The following ADGRL2 variants were observed in gnomAD, a reference collection of about 807,000 sequenced individuals.
ADGRL2 encodes the protein calcium-independent alpha-latrotoxin receptor 2.
In ADGRL2, 44 loss-of-function variants were observed where a neutral mutation model predicts 157.4. The observed-to-expected ratio is 0.28, with a 90% confidence interval of 0.22 to 0.36. ADGRL2 has a LOEUF of 0.36. Among genes scored for constraint, ADGRL2 ranks in the 10% least tolerant of loss-of-function variants. ADGRL2 has a pLI of 1.00. For missense variants in ADGRL2, 1,510 were observed against 1,768.9 expected (o/e 0.85, Z 2.63); for synonymous variants, 585 against 624.7 (o/e 0.94, Z 0.95).
chr1:81,462,431 A>C (rs1042719668), intron 2 of ADGRL2, among the ~76,000 whole-genome samples: 2 of 147,608 alleles, frequency 1.4e-5, no homozygotes, highest in African/African-American at 4.9e-5. Context: ...CTGTGGCTTC[A>C]TTCTTGAAGT....
chr1:81,535,066 T>C (rs532311780), intron 2 of ADGRL2, among the ~76,000 whole-genome samples: 2 of 152,310 alleles, frequency 1.3e-5, no homozygotes, highest in Admixed American at 1.3e-4. Flanking sequence ...ATGAGTCTTA[T>C]GTGATTTAAA....
intron 3 of ADGRL2, among the ~76,000 whole-genome samples, chr1:81,600,410 C>T (rs1055364826): frequency 7.2e-5 from 11 of 152,180 alleles, no homozygotes; most frequent in Admixed American, 1.3e-4. Flanking sequence ...CTATGGCCAG[C>T]ATAGACAAGA....
intron 2 of ADGRL2, among the ~76,000 whole-genome samples, chr1:81,523,193 T>C (rs539732000): frequency 6.6e-6 from 1 of 152,162 alleles, no homozygotes; most frequent in Non-Finnish European, 1.5e-5. Context: ...ATGTCAATTA[T>C]CCTTAACTTT....
At chr1:81,924,228 T>C (rs1314982260) in intron 3 of ADGRL2, among the ~76,000 whole-genome samples, 1 of 151,242 alleles carries the variant, frequency 6.6e-6, no homozygotes, top group South Asian at 2.1e-4. Flanking sequence ...AGTTGGAAAA[T>C]AGCAGTTCCT....
intron 1 of ADGRL2, among the ~76,000 whole-genome samples, chr1:81,807,511 T>C (rs1457332770): frequency 6.6e-6 from 1 of 151,984 alleles, no homozygotes; most frequent in East Asian, 1.9e-4. Context: ...TAAGATGCTC[T>C]CAAAGATTGG....
chr1:81,492,058 G>A (rs1207080334), intron 2 of ADGRL2, among the ~76,000 whole-genome samples: 1 of 152,124 alleles, frequency 6.6e-6, no homozygotes, highest in Non-Finnish European at 1.5e-5. Context: ...TACATGAAAG[G>A]AAGAAAACCA....
chr1:81,922,555 C>T (rs1354266252), intron 3 of ADGRL2, among the ~76,000 whole-genome samples: 2 of 152,112 alleles, frequency 1.3e-5, no homozygotes. Flanking sequence ...GAGTAAGGTA[C>T]AGTTTGATAT....
chr1:81,389,297 T>C (rs897776094), intron 1 of ADGRL2, among the ~76,000 whole-genome samples: 4 of 152,152 alleles, frequency 2.6e-5, no homozygotes, highest in African/African-American at 9.7e-5. Context: ...CAATAGAGAT[T>C]ACATTCCAGT....
At chr1:81,763,758 C>T (rs1453589673) in intron 2 of ADGRL2, among the ~76,000 whole-genome samples, 14 of 142,238 alleles carry the variant, frequency 9.8e-5, no homozygotes, top group Admixed American at 7.2e-4. Context: ...CAGTGGCTTA[C>T]GCCTGTGGGA....
chr1:81,406,919 C>T (rs1354363902), intron 1 of ADGRL2, among the ~76,000 whole-genome samples: 5 of 152,148 alleles, frequency 3.3e-5, no homozygotes, highest in Non-Finnish European at 5.9e-5. Flanking sequence ...CTCAATCAGC[C>T]TTCTGGTTTG....
chr1:81,950,550 T>G (rs956597756), intron 7 of ADGRL2, 68 bp downstream of exon 7: 2 of 1,384,706 alleles, frequency 1.4e-6, no homozygotes. Flanking sequence ...TACAGTGAAG[T>G]GATTTTATTC....
At chr1:81,417,773 A>G (rs1363035913) in intron 1 of ADGRL2, among the ~76,000 whole-genome samples, 2 of 152,154 alleles carry the variant, frequency 1.3e-5, no homozygotes, top group African/African-American at 2.4e-5. Context: ...ATATATTTCT[A>G]ATCTTTTCTA....
intron 3 of ADGRL2, among the ~76,000 whole-genome samples, chr1:81,677,566 G>A (rs1464476493): frequency 6.6e-6 from 1 of 152,130 alleles, no homozygotes; most frequent in Admixed American, 6.5e-5. Context: ...GTTGACCTCT[G>A]TCTCCCACGT....
chr1:81,329,130 C>T (rs1203959924), intron 1 of ADGRL2, among the ~76,000 whole-genome samples: 1 of 152,130 alleles, frequency 6.6e-6, no homozygotes, highest in Non-Finnish European at 1.5e-5. Flanking sequence ...TCTAACTGCT[C>T]TGCCACTCTG....
intron 1 of ADGRL2, among the ~76,000 whole-genome samples, chr1:81,416,323 AAAAAG>A (rs1239875893): frequency 1.1e-4 from 16 of 151,066 alleles, no homozygotes; most frequent in Admixed American, 5.3e-4. Flanking sequence ...TTGCAAAAAA[AAAAAG>A]AAAAGAAAAG....
chr1:81,681,541 T>G (rs2083113971), intron 3 of ADGRL2, among the ~76,000 whole-genome samples: 1 of 152,210 alleles, frequency 6.6e-6, no homozygotes, highest in Admixed American at 6.5e-5. Flanking sequence ...ATAATTGACA[T>G]TAAAATTAAT....
At chr1:81,858,416 T>C (rs1243367699) in intron 2 of ADGRL2, among the ~76,000 whole-genome samples, 1 of 152,208 alleles carries the variant, frequency 6.6e-6, no homozygotes. Context: ...ACTTTTTTGG[T>C]AGTTGGTGGT....
At position 81,787,378 on chromosome 1, in the gene ADGRL2, C is replaced by G. The variant is rs535019961; in HGVS notation, c.-101+25526C>G. Among the ~76,000 whole-genome samples, 60 of 152,190 alleles carry G rather than the reference C, an allele frequency of 3.9e-4. 1 individual carries two copies. Among genetic ancestry groups the G allele is most frequent in the Admixed American group, 2.3e-3 (35 of 15,290 alleles). ...AACTGAACAAGTCACATAAAAATGG[C>G]TGGGTGTGGTGGCTCATGCCTGTAA... is the stretch of plus-strand genomic sequence containing the variant. On this transcript the variant is annotated intron_variant, in intron 2 of 20. Coordinates refer to the ADGRL2 transcript ENST00000359929.
intron 2 of ADGRL2, among the ~76,000 whole-genome samples, chr1:81,531,667 A>T (rs940159303): frequency 6.6e-6 from 1 of 152,038 alleles, no homozygotes; most frequent in Non-Finnish European, 1.5e-5. Context: ...AGATCGGGGG[A>T]AAAAAACAGA....
Sources: allele counts gnomAD v4.1 joint callset (sites outside exome capture counted in the v4.1 genomes callset), GRCh38; gene constraint gnomAD v4.1.1; transcripts MANE v1.5; gene names NCBI Gene and HGNC (gene_info 2026-07-23, HGNC 2026-07-21).